The following STK3 variants were observed in gnomAD, a reference collection of about 807,000 sequenced individuals.
STK3 encodes the protein serine/threonine-protein kinase 3.
STK3 carries 41 observed loss-of-function variants against 58.0 expected under a neutral mutation model. The observed-to-expected ratio is 0.71, with a 90% CI of 0.55 to 0.92. The LOEUF (loss-of-function observed/expected upper bound fraction) is 0.92. Ranked by LOEUF, STK3 falls within the 40% of genes least tolerant of loss-of-function variation. STK3 has a pLI of 0.00. For missense variants in STK3, 479 were observed against 602.7 expected, an observed-to-expected ratio of 0.79 and a Z score of 2.15; for synonymous variants, 170 against 191.0, an observed-to-expected ratio of 0.89 and a Z score of 0.91.
intron 4 of STK3, among the ~76,000 whole-genome samples, chr8:98,740,363 A>G (rs1015817141): frequency 6.6e-6 from 1 of 152,234 alleles, no homozygotes. Context: ...GGTTACCCAC[A>G]AAGGGAAGCC....
intron 6 of STK3, among the ~76,000 whole-genome samples, chr8:98,637,337 C>G (rs1819697635): frequency 6.6e-6 from 1 of 151,974 alleles, no homozygotes. Context: ...ATGCAGGTCA[C>G]TTGCTTTTTA....
At chr8:98,557,169 T>C (rs10955186) in intron 8 of STK3, among the ~76,000 whole-genome samples, 48,708 of 151,974 alleles carry the variant, frequency 0.32, 8,205 homozygotes, top group East Asian at 0.46. Context: ...ACTTCTTTCC[T>C]CATGCATAAC....
intron 3 of STK3, among the ~76,000 whole-genome samples, chr8:98,835,494 A>C (rs186857217): frequency 6.6e-6 from 1 of 152,228 alleles, no homozygotes; most frequent in East Asian, 1.9e-4. Context: ...AGGTCCTGCA[A>C]CACATGTACC....
the STK3 span, among the ~76,000 whole-genome samples, chr8:98,353,235 A>G: frequency 1.3e-5 from 2 of 152,210 alleles, no homozygotes; most frequent in Non-Finnish European, 2.9e-5. Flanking sequence ...GCAATTTGGT[A>G]GGCAGAGACA....
chr8:98,638,197 C>T (rs925332394), intron 6 of STK3, among the ~76,000 whole-genome samples: 2 of 152,148 alleles, frequency 1.3e-5, no homozygotes, highest in African/African-American at 4.8e-5. Context: ...AGTAAATTTA[C>T]ACTTTATCAA....
At chr8:98,889,281 C>T (rs1838109139) in intron 1 of STK3, among the ~76,000 whole-genome samples, 1 of 152,196 alleles carries the variant, frequency 6.6e-6, no homozygotes, top group South Asian at 2.1e-4. Flanking sequence ...TGGGCTTTTA[C>T]AGAGAGCTGC....
chr8:98,940,892 C>T (rs556449564), intron 1 of STK3, among the ~76,000 whole-genome samples: 1 of 152,378 alleles, frequency 6.6e-6, no homozygotes, highest in South Asian at 2.1e-4. Context: ...ACAAAGGACC[C>T]GACGGTGGGT....
intron 6 of STK3, among the ~76,000 whole-genome samples, chr8:98,612,473 A>G (rs1817280778): frequency 6.7e-6 from 1 of 148,842 alleles, no homozygotes; most frequent in Non-Finnish European, 1.5e-5. Flanking sequence ...ATATATAGAG[A>G]GATTCTAATA....
At chr8:98,903,544 CTTCTTCTTCTTCCTT>C (rs1177681710) in intron 1 of STK3, among the ~76,000 whole-genome samples, 349 of 25,350 alleles carry the variant, frequency 0.014, 18 homozygotes, top group African/African-American at 0.057. Context: ...TCTTCTTCTT[CTTCTTCTTCTTCCTT>C]TTTTTTTTTT....
chr8:98,668,729 T>A (rs148839497), intron 6 of STK3, among the ~76,000 whole-genome samples: 1 of 152,130 alleles, frequency 6.6e-6, no homozygotes, highest in South Asian at 2.1e-4. Flanking sequence ...TGCATATAAT[T>A]ATAAAATTAC....
the STK3 span, among the ~76,000 whole-genome samples, chr8:98,363,925 G>C: frequency 1.3e-5 from 2 of 152,214 alleles, no homozygotes; most frequent in Non-Finnish European, 2.9e-5. Context: ...AGAGTGCCAG[G>C]CAGGATGGGA....
At chr8:98,855,731 G>C (rs750729033) in intron 3 of STK3, among the ~76,000 whole-genome samples, 1 of 152,048 alleles carries the variant, frequency 6.6e-6, no homozygotes, top group Non-Finnish European at 1.5e-5. Context: ...AGGCTTTCAG[G>C]CTGGGCACAG....
intron 6 of STK3, among the ~76,000 whole-genome samples, chr8:98,704,851 C>G (rs1328131034): frequency 6.6e-6 from 1 of 152,024 alleles, no homozygotes; most frequent in African/African-American, 2.4e-5. Flanking sequence ...AAGTTAAATC[C>G]CAGCTCTTGT....
intron 2 of STK3, among the ~76,000 whole-genome samples, chr8:98,434,803 G>A (rs1409665876): frequency 6.6e-6 from 1 of 151,838 alleles, no homozygotes; most frequent in African/African-American, 2.4e-5. Context: ...GAAATCGGAG[G>A]GAAAGAGAGA....
chr8:98,709,143 C>A (rs1048174303), intron 4 of STK3, among the ~76,000 whole-genome samples: 10 of 152,090 alleles, frequency 6.6e-5, no homozygotes, highest in Non-Finnish European at 1.5e-4. Context: ...AGCTTATATT[C>A]TATCTATAAG....
rs1007919770 is a variant in STK3, at chr8:98,800,784, C to T, written c.26+24731G>A. Reference sequence around the variant, plus strand: ...TACCCCAGCACTGCCGGCCCTCCCGCGCTGAGCTCGAATTCTTGCCAGGCC... The same window carrying T: ...TACCCCAGCACTGCCGGCCCTCCCGTGCTGAGCTCGAATTCTTGCCAGGCC... On this transcript the variant is annotated intron_variant, in intron 1 of 10. Transcript: ENST00000419617. This position sits in a 1 kb window ranked among gnomAD's most constrained non-coding sequence, Gnocchi z 4.8. Among the ~76,000 whole-genome samples the T allele has an allele frequency of 3.9e-5, 6 of 152,198 alleles. No homozygotes were observed. Among genetic ancestry groups the T allele is most frequent in the African/African-American group, 1.2e-4 (5 of 41,450 alleles).
At chr8:98,443,412 T>C (rs1298923944) in intron 1 of STK3, among the ~76,000 whole-genome samples, 2 of 152,242 alleles carry the variant, frequency 1.3e-5, no homozygotes, top group African/African-American at 4.8e-5. Context: ...TCTATGTTCA[T>C]GAGTTTGCTT....
rs891728638 is a variant in STK3, at chr8:98,626,594, GAT to G, written c.685-30427_685-30426del. ...AGGTCAGGGGTAAGAAGGGGACTGAGATGAGGCCATCGGATTTGATAATAAGT... is the reference window on the plus strand; with the variant it reads ...AGGTCAGGGGTAAGAAGGGGACTGAGGAGGCCATCGGATTTGATAATAAGT... On this transcript the variant is annotated intron_variant, in intron 6 of 10. Transcript: ENST00000419617. 4.7e-4 allele frequency among the ~76,000 whole-genome samples: 72 copies of G among 152,326 alleles called. 1 individual carries two copies. Among genetic ancestry groups the G allele is most frequent in the African/African-American group, 1.4e-3 (59 of 41,580 alleles).
chr8:98,901,735 G>A (rs948387177), intron 1 of STK3, among the ~76,000 whole-genome samples: 1 of 152,222 alleles, frequency 6.6e-6, no homozygotes, highest in Non-Finnish European at 1.5e-5. Flanking sequence ...GAGGCAGCTG[G>A]GGAGGTCAGG....
Sources: allele counts gnomAD v4.1 joint callset (sites outside exome capture counted in the v4.1 genomes callset), GRCh38; gene constraint gnomAD v4.1.1; non-coding constraint Gnocchi (gnomAD v3.1); transcripts MANE v1.5; gene names NCBI Gene and HGNC (gene_info 2026-07-23, HGNC 2026-07-21).